NUDCD2: variants seen among roughly 807,000 people sequenced by gnomAD.
NUDCD2 encodes the protein nudC domain-containing protein 2.
NUDCD2 carries 16 observed loss-of-function variants against 20.8 expected under a neutral mutation model. That is an observed-to-expected ratio of 0.77 (90% CI 0.52 to 1.17). NUDCD2 has a LOEUF of 1.17. Ranked by LOEUF, NUDCD2 falls within the 50% of genes most tolerant of loss-of-function variation. The pLI is 0.00. For synonymous variants in NUDCD2, 87 were observed against 72.8 expected (o/e 1.20, Z -1.00); for missense variants, 199 against 193.9 (o/e 1.03, Z -0.16).
Position 163,457,093 on chromosome 5 carries a change from C to A in NUDCD2, c.239-13G>T, listed in dbSNP as rs201931869. 2.8e-4 allele frequency: 327 copies of A among 1,175,264 alleles called. No homozygotes were observed. In the African/African-American group the frequency reaches 2.9e-3, roughly 10 times the overall value. The allele number at this position is 1,175,264 out of a possible 1,614,324, so 72.8% of individuals were successfully genotyped here. On this transcript the variant is annotated splice_polypyrimidine_tract_variant and intron_variant, in intron 2 of 3. Coordinates refer to ENST00000302764, the MANE Select transcript of NUDCD2 (RefSeq NM_145266.6). ...ATTTTTCTGTCCTCTAAAAAAAAAA[C>A]ACACACACACACACGCACAAATAAA...
At chr5:163,454,707 G>C (rs1258012873) in intron 3 of NUDCD2, among the ~76,000 whole-genome samples, 1 of 152,168 alleles carries the variant, frequency 6.6e-6, no homozygotes, top group African/African-American at 2.4e-5. Flanking sequence ...ACATATATAA[G>C]ATATTTAACC....
rs1159785071 is a variant in NUDCD2, at chr5:163,447,184, AT to A, written c.*6782del. The A allele has an allele frequency of 6.6e-6, 1 of 152,476 alleles. No homozygotes were observed. The highest frequency in any genetic ancestry group is 6.5e-5 in the Admixed American group (1 of 15,280). The allele number at this position is 152,476 out of a possible 1,614,324, so 9.4% of individuals were successfully genotyped here. On this transcript the variant is annotated 3_prime_UTR_variant, in exon 4 of 4. Coordinates refer to ENST00000302764, the MANE Select transcript of NUDCD2 (RefSeq NM_145266.6). ...ATGAAGAGACCAGGTACAGAGACTC[AT>A]TCATTCCTGTAATTCCAATGCTTTG...
Position 163,449,267 on chromosome 5 carries a change from A to G in NUDCD2, c.*4700T>C, listed in dbSNP as rs1581175439. 1 of 151,994 alleles carries G rather than the reference A, an allele frequency of 6.6e-6. No individual in the cohort carries two copies. The highest frequency in any genetic ancestry group is 2.4e-5 in the African/African-American group (1 of 41,458). 9.4% of individuals were successfully genotyped at this position (151,994 alleles called of 1,614,324 possible). A position where few individuals can be genotyped will look rare whatever the true frequency, so the allele number is the denominator to read the frequency against. The stretch of plus-strand genomic sequence containing the variant: ...GAAAACTTAATGAGTTAACAACAAA[A>G]TAACTCCCAAAACTAATGAAGTTTA... On this transcript the variant is annotated 3_prime_UTR_variant, in exon 4 of 4. Transcript: ENST00000302764.
Position 163,460,042 on chromosome 5 carries a change from GGCC to G in NUDCD2, c.6_8del (p.Ala3del). 6.3e-7 allele frequency: 1 copy of G among 1,589,280 alleles called. No homozygotes were observed. Among genetic ancestry groups the G allele is most frequent in the Non-Finnish European group, 8.6e-7 (1 of 1,169,454 alleles). On this transcript the variant is annotated inframe_deletion, in exon 1 of 4. Coordinates refer to ENST00000302764, the MANE Select transcript of NUDCD2 (RefSeq NM_145266.6). ...CCACCCCACTCCGCTCCTCAAACGG[GGCC>G]GACATAATCCAGTCCCTCCCGGCCG... is the stretch of plus-strand genomic sequence containing the variant.
At chr5:163,457,178 C>A (rs1758341059) in intron 2 of NUDCD2, 98 bp from the exon 3 acceptor site, 2 of 1,273,022 alleles carry the variant, frequency 1.6e-6, no homozygotes, top group South Asian at 1.6e-5. Context: ...CTCACCCAGG[C>A]TGGAGTGCAG....
At chr5:163,454,512 T>C (rs1248225400) in intron 3 of NUDCD2, among the ~76,000 whole-genome samples, 1 of 152,150 alleles carries the variant, frequency 6.6e-6, no homozygotes, top group African/African-American at 2.4e-5. Context: ...TGGCTAATTT[T>C]GTATTTTTAG....
Position 163,452,381 on chromosome 5 carries a change from G to A in NUDCD2, c.*1586C>T, listed in dbSNP as rs1387630260. 2 of 152,148 alleles carry A rather than the reference G, an allele frequency of 1.3e-5. No individual in the cohort carries two copies. Among genetic ancestry groups the A allele is most frequent in the Admixed American group, 1.3e-4 (2 of 15,278 alleles). 9.4% of individuals were successfully genotyped at this position (152,148 alleles called of 1,614,324 possible). On this transcript the variant is annotated 3_prime_UTR_variant, in exon 4 of 4. Coordinates refer to ENST00000302764, the MANE Select transcript of NUDCD2 (RefSeq NM_145266.6). ...GAGAAGCCTGGTATATCTTATGCCAGAGAGTAACAAATTCATTGAATAATG... is the reference window on the plus strand; with the variant it reads ...GAGAAGCCTGGTATATCTTATGCCAAAGAGTAACAAATTCATTGAATAATG...
chr5:163,459,718 C>A, intron 1 of NUDCD2, 144 bp downstream of exon 1: 1 of 635,736 alleles, frequency 1.6e-6, no homozygotes. Context: ...GGGGCTCTGA[C>A]CAGACCCAAA....
intron 1 of NUDCD2, among the ~76,000 whole-genome samples, chr5:163,458,210 T>A (rs890428415): frequency 1.3e-5 from 2 of 152,048 alleles, no homozygotes; most frequent in Non-Finnish European, 2.9e-5. Context: ...CTCGAACTCC[T>A]GACCTTGTGA....
chr5:163,449,574 T>C lies in NUDCD2; in HGVS notation c.*4393A>G, dbSNP rs1415200069. On this transcript the variant is annotated 3_prime_UTR_variant, in exon 4 of 4. Coordinates refer to ENST00000302764, the MANE Select transcript of NUDCD2 (RefSeq NM_145266.6). ...AGATACAGAGTAGCTAATTCTAAAA[T>C]TCATATGGAAGGCAAAGAAACTAAA... 1 of 152,168 alleles carries C rather than the reference T, an allele frequency of 6.6e-6. No homozygotes were observed. Among genetic ancestry groups the C allele is most frequent in the Admixed American group, 6.5e-5 (1 of 15,272 alleles). The allele number at this position is 152,168 out of a possible 1,614,324, so 9.4% of individuals were successfully genotyped here.
chr5:163,448,557 T>G lies in NUDCD2; in HGVS notation c.*5410A>C, dbSNP rs1205310691. On this transcript the variant is annotated 3_prime_UTR_variant, in exon 4 of 4. Transcript: ENST00000302764. ...ACCTTACTAGCAAATTCATAAAACA[T>G]TTAAAGATATAACAAATTCTACAAA... 1 of 152,156 alleles carries G rather than the reference T, an allele frequency of 6.6e-6. No homozygotes were observed. Among genetic ancestry groups the G allele is most frequent in the Non-Finnish European group, 1.5e-5 (1 of 68,030 alleles). The allele number at this position is 152,156 out of a possible 1,614,324, so 9.4% of individuals were successfully genotyped here.
rs776183516 is a variant in NUDCD2, at chr5:163,459,962, A to G, written c.89T>C (p.Ile30Thr). The change falls in exon 1 of 4, where the codon ATT becomes ACT. Residue 30 changes from isoleucine to threonine, a missense_variant. Coordinates refer to ENST00000302764, the MANE Select transcript of NUDCD2 (RefSeq NM_145266.6). ...QWYQTLEEVFIEVQVPPGTRA... is the reference protein window; with the variant it reads ...QWYQTLEEVFTEVQVPPGTRA... ...CGTGCCTGGCGGCACCTGAACTTCA[A>G]TGAACACCTCCTCCAAGGTCTGGTA... 5.6e-6 allele frequency: 9 copies of G among 1,613,550 alleles called. No homozygotes were observed. The highest frequency in any genetic ancestry group is 2.7e-5 in the African/African-American group (2 of 74,998).
At position 163,447,088 on chromosome 5, in the gene NUDCD2, A is replaced by G. The variant is rs1023050384; in HGVS notation, c.*6879T>C. The G allele has an allele frequency of 6.6e-6, 1 of 152,252 alleles. No individual in the cohort carries two copies. The highest frequency in any genetic ancestry group is 2.4e-5 in the African/African-American group (1 of 41,466). 9.4% of individuals were successfully genotyped at this position (152,252 alleles called of 1,614,324 possible). ...AAAATTGCCAAGGATAATTAGGGAC[A>G]TTATATAATGATAAAATTCACCAAG... On this transcript the variant is annotated 3_prime_UTR_variant, in exon 4 of 4. Transcript: ENST00000302764.
chr5:163,460,100 C>T lies in NUDCD2; in HGVS notation c.-50G>A, dbSNP rs1268870181. On this transcript the variant is annotated 5_prime_UTR_variant, in exon 1 of 4. Transcript: ENST00000302764. ...CGCACCAGGCGGAGCCGAGCGCACG[C>T]GCGGAATCCCACGCTTAGGCTACGC... 1 of 1,481,546 alleles carries T rather than the reference C, an allele frequency of 6.7e-7. No homozygotes were observed. The highest frequency in any genetic ancestry group is 2.4e-5 in the Admixed American group (1 of 41,032). 91.8% of individuals were successfully genotyped at this position (1,481,546 alleles called of 1,614,324 possible).
chr5:163,459,743 T>A (rs79566032), intron 1 of NUDCD2, 119 bp downstream of exon 1: 1 of 854,536 alleles, frequency 1.2e-6, no homozygotes, highest in South Asian at 1.7e-5. Context: ...GTCAGTGTTA[T>A]CCTCTTTCTC....
Position 163,460,070 on chromosome 5 carries a change from G to A in NUDCD2, c.-20C>T, listed in dbSNP as rs779099875. 14 of 1,529,504 alleles carry A rather than the reference G, an allele frequency of 9.2e-6. No homozygotes were observed. Among genetic ancestry groups the A allele is most frequent in the African/African-American group, 1.4e-5 (1 of 71,522 alleles). 94.7% of individuals were successfully genotyped at this position (1,529,504 alleles called of 1,614,324 possible). On this transcript the variant is annotated 5_prime_UTR_variant, in exon 1 of 4. Coordinates refer to ENST00000302764, the MANE Select transcript of NUDCD2 (RefSeq NM_145266.6). ...CGACATAATCCAGTCCCTCCCGGCC[G>A]CGGCCGCACCAGGCGGAGCCGAGCG... is the stretch of plus-strand genomic sequence containing the variant.
At position 163,448,299 on chromosome 5, in the gene NUDCD2, C is replaced by G. The variant is rs1023011656; in HGVS notation, c.*5668G>C. On this transcript the variant is annotated 3_prime_UTR_variant, in exon 4 of 4. Coordinates refer to ENST00000302764, the MANE Select transcript of NUDCD2 (RefSeq NM_145266.6). Reference sequence around the variant, plus strand: ...TGAAAAGAGCAGTAAAATTGATAAACCTCTGGCAAAATTGACAAAAAAAGA... The same window carrying G: ...TGAAAAGAGCAGTAAAATTGATAAAGCTCTGGCAAAATTGACAAAAAAAGA... 6.6e-6 allele frequency: 1 copy of G among 151,290 alleles called. No homozygotes were observed. Among genetic ancestry groups the G allele is most frequent in the Admixed American group, 6.6e-5 (1 of 15,208 alleles). 9.4% of individuals were successfully genotyped at this position (151,290 alleles called of 1,614,324 possible).
chr5:163,456,888 T>C (rs200628619), intron 3 of NUDCD2, 41 bp downstream of exon 3: 3 of 1,228,742 alleles, frequency 2.4e-6, no homozygotes, highest in East Asian at 5.5e-5. Flanking sequence ...ATGATTTTTA[T>C]ATATTTAATT....
rs912123904 is a variant in NUDCD2 at position 163,453,469 on chromosome 5, A to C, written c.*498T>G. The stretch of plus-strand genomic sequence containing the variant: ...TATTCTAATTAAGAAATTTACATTA[A>C]CTCTTAATTTACTTAAAATACATTT... On this transcript the variant is annotated 3_prime_UTR_variant, in exon 4 of 4. Coordinates refer to ENST00000302764, the MANE Select transcript of NUDCD2 (RefSeq NM_145266.6). The C allele has an allele frequency of 2.0e-5, 3 of 152,504 alleles. No homozygotes were observed. The highest frequency in any genetic ancestry group is 4.4e-5 in the Non-Finnish European group (3 of 67,988). The allele number at this position is 152,504 out of a possible 1,614,324, so 9.4% of individuals were successfully genotyped here.
Sources: allele counts gnomAD v4.1 joint callset (sites outside exome capture counted in the v4.1 genomes callset), GRCh38; gene constraint gnomAD v4.1.1; transcripts MANE v1.5; gene names NCBI Gene and HGNC (gene_info 2026-07-23, HGNC 2026-07-21).